The following BDH1 variants were observed in gnomAD, a reference collection of about 807,000 sequenced individuals.
BDH1 encodes 3-hydroxybutyrate dehydrogenase 1, also known as D-beta-hydroxybutyrate dehydrogenase, mitochondrial.
BDH1 carries 30 observed loss-of-function variants against 33.1 expected under a neutral mutation model. The ratio of observed to expected loss-of-function variants is 0.91; its 90% CI spans 0.68 to 1.23. The LOEUF (loss-of-function observed/expected upper bound fraction) is 1.23, where lower values mean the gene tolerates loss of function less well. Among genes scored for constraint, BDH1 ranks in the 50% most tolerant of loss-of-function variants. BDH1 has a pLI of 0.00. For synonymous variants in BDH1, 190 were observed against 183.6 expected, an observed-to-expected ratio of 1.03 and a Z score of -0.28; for missense variants, 443 against 464.4, an observed-to-expected ratio of 0.95 and a Z score of 0.42.
intron 1 of BDH1, among the ~76,000 whole-genome samples, chr3:197,563,658 A>G (rs1191140097): frequency 6.6e-6 from 1 of 152,198 alleles, no homozygotes; most frequent in Non-Finnish European, 1.5e-5. Flanking sequence ...TTATATGGGT[A>G]TTTTCCAATA....
chr3:197,545,375 T>G (rs547413029), intron 3 of BDH1, among the ~76,000 whole-genome samples: 2 of 152,314 alleles, frequency 1.3e-5, no homozygotes, highest in African/African-American at 4.8e-5. Flanking sequence ...ATTTCATGCA[T>G]AAAGTTTTAA....
intron 2 of BDH1, among the ~76,000 whole-genome samples, chr3:197,550,376 C>T (rs1432880227): frequency 6.6e-6 from 1 of 152,194 alleles, no homozygotes; most frequent in East Asian, 1.9e-4. Context: ...GCGACCAGTT[C>T]TCCTCCGATA....
intron 3 of BDH1, among the ~76,000 whole-genome samples, chr3:197,540,647 C>A (rs1405612394): frequency 6.6e-6 from 1 of 152,034 alleles, no homozygotes; most frequent in Admixed American, 6.6e-5. Context: ...CCAGCCTGGG[C>A]GAGAGTGAGA....
rs1253990874 is a variant in BDH1 at position 197,514,169 on chromosome 3, AC to A, written c.562+94del. 2 of 1,465,002 alleles carry A rather than the reference AC, an allele frequency of 1.4e-6. No individual in the cohort carries two copies. Among genetic ancestry groups the A allele is most frequent in the Non-Finnish European group, 1.8e-6 (2 of 1,089,396 alleles). 90.8% of individuals were successfully genotyped at this position (1,465,002 alleles called of 1,614,324 possible). A position where few individuals can be genotyped will look rare whatever the true frequency, so the allele number is the denominator to read the frequency against. On this transcript the variant is annotated intron_variant, in intron 7 of 7. Coordinates refer to ENST00000392379, the MANE Select transcript of BDH1 (RefSeq NM_203314.3). This position sits in a 1 kb window ranked among gnomAD's most constrained non-coding sequence, Gnocchi z 4.2. ...CGAGCTCACCTCTGCTGAGTTGTGG[AC>A]ATTGGAGCTGCTGGGACAGGTATTT...
chr3:197,510,940 GAAAAATCTCAAGT>G lies in BDH1; in HGVS notation c.*942_*954del, dbSNP rs1711958729. 6.6e-6 allele frequency: 1 copy of G among 152,116 alleles called. No individual in the cohort carries two copies. Among genetic ancestry groups the G allele is most frequent in the Non-Finnish European group, 1.5e-5 (1 of 68,094 alleles). The allele number at this position is 152,116 out of a possible 1,614,324, so 9.4% of individuals were successfully genotyped here. On this transcript the variant is annotated 3_prime_UTR_variant, in exon 8 of 8. Coordinates refer to ENST00000392379, the MANE Select transcript of BDH1 (RefSeq NM_203314.3). ...CTATCCTGAGTCCTAAAAGAGGATG[GAAAAATCTCAAGT>G]AAAAATCTCATGCCTGTAATCCCAG...
At chr3:197,555,439 G>C (rs1180780555) in intron 1 of BDH1, 1 of 152,336 alleles carries the variant, frequency 6.6e-6, no homozygotes, top group Non-Finnish European at 1.5e-5. Flanking sequence ...AGATGCGCCG[G>C]CAGGAAACGA....
At chr3:197,553,335 C>T (rs1716725124) in intron 2 of BDH1, among the ~76,000 whole-genome samples, 1 of 150,064 alleles carries the variant, frequency 6.7e-6, no homozygotes, top group Non-Finnish European at 1.5e-5. Context: ...TCGAGACCAT[C>T]CTGGCCAACA....
Position 197,511,821 on chromosome 3 carries a change from G to C in BDH1, c.*74C>G. 1 of 1,369,064 alleles carries C rather than the reference G, an allele frequency of 7.3e-7. No individual in the cohort carries two copies. Among genetic ancestry groups the C allele is most frequent in the Non-Finnish European group, 1.0e-6 (1 of 1,000,272 alleles). 84.8% of individuals were successfully genotyped at this position (1,369,064 alleles called of 1,614,324 possible). A position where few individuals can be genotyped will look rare whatever the true frequency, so the allele number is the denominator to read the frequency against. On this transcript the variant is annotated 3_prime_UTR_variant, in exon 8 of 8. Coordinates refer to ENST00000392379, the MANE Select transcript of BDH1 (RefSeq NM_203314.3). The stretch of plus-strand genomic sequence containing the variant: ...GGATAATCCACACGTGGATAATCAA[G>C]AGTTGACTATATGGGTTCCTCCCTC...
In BDH1 at chr3:197,555,799, G is replaced by GGGGCTCCGCTGCAGA. The variant is rs1716978076; in HGVS notation, c.-229_-215dup. On this transcript the variant is annotated 5_prime_UTR_variant, in exon 1 of 8. Transcript: ENST00000392379. ...CTCTTACCCAAAACCAAATGGGCAGGGGGCTCCGCTGCAGAGGGCTCGCCG... is the reference window on the plus strand; with the variant it reads ...CTCTTACCCAAAACCAAATGGGCAGGGGGCTCCGCTGCAGAGGGCTCCGCTGCAGAGGGCTCGCCG... 6.6e-6 allele frequency: 1 copy of GGGGCTCCGCTGCAGA among 152,400 alleles called. No homozygotes were observed. Among genetic ancestry groups the GGGGCTCCGCTGCAGA allele is most frequent in the African/African-American group, 2.4e-5 (1 of 41,582 alleles). 9.4% of individuals were successfully genotyped at this position (152,400 alleles called of 1,614,324 possible). A position where few individuals can be genotyped will look rare whatever the true frequency, so the allele number is the denominator to read the frequency against.
rs1716981984 is a variant in BDH1 at position 197,555,835 on chromosome 3, C to G, written c.-250G>C. 6.6e-6 allele frequency: 1 copy of G among 152,304 alleles called. No individual in the cohort carries two copies. Among genetic ancestry groups the G allele is most frequent in the African/African-American group, 2.4e-5 (1 of 41,474 alleles). 9.4% of individuals were successfully genotyped at this position (152,304 alleles called of 1,614,324 possible). ...GCAGAGGGCTCGCCGAGGCTCTCGCCTTCACCCGGCGCCGCGCAGGTGCCC... is the reference window on the plus strand; with the variant it reads ...GCAGAGGGCTCGCCGAGGCTCTCGCGTTCACCCGGCGCCGCGCAGGTGCCC... On this transcript the variant is annotated 5_prime_UTR_variant, in exon 1 of 8. Coordinates refer to ENST00000392379, the MANE Select transcript of BDH1 (RefSeq NM_203314.3).
intron 2 of BDH1, among the ~76,000 whole-genome samples, chr3:197,547,699 T>C (rs1716199064): frequency 6.6e-6 from 1 of 152,230 alleles, no homozygotes; most frequent in Admixed American, 6.5e-5. Flanking sequence ...AAAGCCAACT[T>C]TCCATGCCCG....
upstream of BDH1, among the ~76,000 whole-genome samples, chr3:197,556,617 G>A (rs1173707779): frequency 2.0e-5 from 3 of 152,222 alleles, no homozygotes; most frequent in African/African-American, 4.8e-5. Flanking sequence ...CCAGTGAGCC[G>A]AGATTGCACC....
chr3:197,537,075 G>A (rs111527356), intron 3 of BDH1, among the ~76,000 whole-genome samples: 25 of 151,632 alleles, frequency 1.6e-4, no homozygotes, highest in African/African-American at 6.0e-4. Flanking sequence ...TGCAGCCTCC[G>A]CCTGCCACAC....
At chr3:197,556,554 G>A (rs887364571), upstream of BDH1, among the ~76,000 whole-genome samples, 1 of 152,192 alleles carries the variant, frequency 6.6e-6, no homozygotes, top group Admixed American at 6.5e-5. Context: ...TGTAATCCCA[G>A]CTACTCGGGA....
chr3:197,567,887 T>C (rs1327235757), intron 1 of BDH1, among the ~76,000 whole-genome samples: 2 of 152,196 alleles, frequency 1.3e-5, no homozygotes, highest in African/African-American at 4.8e-5. Flanking sequence ...GAAGAGGTAG[T>C]ATCCTGAAAG....
Position 197,564,974 on chromosome 3 carries a change from G to A in BDH1, c.-44+8207C>T, listed in dbSNP as rs181911713. Reference sequence around the variant, plus strand: ...TTTCGCTCTTGTTGCCCAGGCTAGGGTGCAATGGTGCAATCTCCGCTCACT... The same window carrying A: ...TTTCGCTCTTGTTGCCCAGGCTAGGATGCAATGGTGCAATCTCCGCTCACT... On this transcript the variant is annotated intron_variant, in intron 1 of 6. Transcript: ENST00000358186. Among the ~76,000 whole-genome samples, 141 of 152,190 alleles carry A rather than the reference G, an allele frequency of 9.3e-4. No individual in the cohort carries two copies. The East Asian group carries it at 0.025, about 27-fold the overall frequency.
At chr3:197,541,632 T>C (rs1226010979) in intron 3 of BDH1, among the ~76,000 whole-genome samples, 1 of 150,842 alleles carries the variant, frequency 6.6e-6, no homozygotes, top group African/African-American at 2.5e-5. Context: ...ATGTTTGAGA[T>C]TCTCCATAGA....
intron 1 of BDH1, among the ~76,000 whole-genome samples, chr3:197,571,109 T>A (rs536053707): frequency 6.6e-6 from 1 of 152,318 alleles, no homozygotes; most frequent in South Asian, 2.1e-4. Context: ...CCTGCTGGAT[T>A]TTGGACTTTC....
chr3:197,546,910 C>T (rs900369118), intron 2 of BDH1, among the ~76,000 whole-genome samples: 4 of 152,212 alleles, frequency 2.6e-5, no homozygotes, highest in Non-Finnish European at 4.4e-5. Context: ...CCCAGGGCAT[C>T]AGCCTTCATT....
Sources: allele counts gnomAD v4.1 joint callset (sites outside exome capture counted in the v4.1 genomes callset), GRCh38; gene constraint gnomAD v4.1.1; non-coding constraint Gnocchi (gnomAD v3.1); transcripts MANE v1.5; gene names NCBI Gene and HGNC (gene_info 2026-07-23, HGNC 2026-07-21).